Variants in PCNX1 observed in about 807,000 individuals in gnomAD.
PCNX1 encodes the protein pecanex 1, also known as pecanex-like protein 1.
PCNX1 carries 78 observed loss-of-function variants against 242.2 expected under a neutral mutation model. The ratio of observed to expected loss-of-function variants is 0.32; its 90% CI spans 0.27 to 0.39. The LOEUF is 0.39. Among genes scored for constraint, PCNX1 ranks in the 10% least tolerant of loss-of-function variants. The pLI, the probability that PCNX1 is intolerant of heterozygous loss-of-function variation, is 1.00. For missense variants in PCNX1, 2,581 were observed against 2,856.5 expected (o/e 0.90, Z 2.20); for synonymous variants, 1,024 against 1,032.9 (o/e 0.99, Z 0.17).
intron 33 of PCNX1, among the ~76,000 whole-genome samples, chr14:71,108,150 C>T (rs574171144): frequency 2.2e-4 from 34 of 152,254 alleles, no homozygotes; most frequent in African/African-American, 6.3e-4. Flanking sequence ...TCTGTGAGTT[C>T]GGGGTTTTCA....
At chr14:70,918,506 T>TA (rs1478554094) in intron 1 of PCNX1, among the ~76,000 whole-genome samples, 2 of 152,168 alleles carry the variant, frequency 1.3e-5, no homozygotes, top group African/African-American at 4.8e-5. Context: ...CTGTAACAGA[T>TA]ATAGTAAAGA....
chr14:71,096,507 GTA>G (rs1185224601), intron 30 of PCNX1, among the ~76,000 whole-genome samples: 1 of 152,122 alleles, frequency 6.6e-6, no homozygotes, highest in Non-Finnish European at 1.5e-5. Flanking sequence ...TACTATGCCT[GTA>G]TCTGGACTTT....
intron 23 of PCNX1, among the ~76,000 whole-genome samples, chr14:71,051,655 T>TA (rs2061039211): frequency 6.6e-6 from 1 of 152,174 alleles, no homozygotes; most frequent in Non-Finnish European, 1.5e-5. Context: ...TATTAGCAAA[T>TA]ACTGATTTGG....
At chr14:70,920,375 TGG>T (rs2056332120) in intron 1 of PCNX1, among the ~76,000 whole-genome samples, 2 of 152,236 alleles carry the variant, frequency 1.3e-5, no homozygotes, top group African/African-American at 4.8e-5. Context: ...ATCTTTACTA[TGG>T]CTTTCTTCTT....
intron 30 of PCNX1, chr14:71,093,636 A>G (rs2062195373): frequency 6.6e-6 from 1 of 152,274 alleles, no homozygotes; most frequent in African/African-American, 2.4e-5. Flanking sequence ...AAACATTCTT[A>G]AAGAAATGAA....
chr14:71,068,380 ATG>A (rs2061500125), intron 26 of PCNX1, among the ~76,000 whole-genome samples: 2 of 150,468 alleles, frequency 1.3e-5, no homozygotes, highest in African/African-American at 2.4e-5. Context: ...GTATACATAT[ATG>A]TGTGTATATT....
chr14:71,039,197 A>G (rs1374610158), intron 19 of PCNX1, among the ~76,000 whole-genome samples: 1 of 152,082 alleles, frequency 6.6e-6, no homozygotes, highest in East Asian at 1.9e-4. Context: ...CAATGTGCAC[A>G]CGTACCCTAA....
chr14:70,963,553 C>T (rs567145902), intron 3 of PCNX1, among the ~76,000 whole-genome samples: 1 of 152,230 alleles, frequency 6.6e-6, no homozygotes, highest in East Asian at 1.9e-4. Context: ...TTATGAAAAA[C>T]ACTATATGAA....
intron 4 of PCNX1, 36 bp from the exon 5 acceptor site, chr14:70,968,985 A>T: frequency 8.4e-7 from 1 of 1,188,858 alleles, no homozygotes; most frequent in Non-Finnish European, 1.3e-6. Flanking sequence ...CTTACTGTTA[A>T]TATAAGGTCC....
chr14:71,104,875 G>A (rs1018810030), intron 32 of PCNX1, among the ~76,000 whole-genome samples: 5 of 152,048 alleles, frequency 3.3e-5, no homozygotes, highest in Admixed American at 2.6e-4. Flanking sequence ...GCAGTGAGCC[G>A]AGATTGTGCC....
intron 2 of PCNX1, among the ~76,000 whole-genome samples, chr14:70,959,153 G>C (rs1349344928): frequency 2.0e-5 from 3 of 150,970 alleles, no homozygotes; most frequent in Non-Finnish European, 4.4e-5. Context: ...GGAACCTTAT[G>C]TAGCATTTTC....
chr14:70,979,113 T>A (rs574440493), intron 6 of PCNX1, among the ~76,000 whole-genome samples: 1 of 152,194 alleles, frequency 6.6e-6, no homozygotes, highest in African/African-American at 2.4e-5. Context: ...TAGATCTGAT[T>A]ATGTACATTG....
chr14:70,911,663 T>C (rs2055916481), intron 1 of PCNX1, among the ~76,000 whole-genome samples: 1 of 152,178 alleles, frequency 6.6e-6, no homozygotes, highest in Admixed American at 6.5e-5. Context: ...GTGTGTCCTG[T>C]GGGCAAGACT....
intron 12 of PCNX1, among the ~76,000 whole-genome samples, chr14:71,021,752 TCTC>T (rs16694): frequency 0.37 from 55,403 of 151,774 alleles, 10,330 homozygotes; most frequent in East Asian, 0.61. Flanking sequence ...ATTTTGATAT[TCTC>T]CTCATTTTTG....
At position 70,954,586 on chromosome 14, in the gene PCNX1, T is replaced by C. The variant is rs564145208; in HGVS notation, c.362+7463T>C. Among the ~76,000 whole-genome samples, 16 of 152,182 alleles carry C rather than the reference T, an allele frequency of 1.1e-4. 1 individual carries two copies. Among genetic ancestry groups the C allele is most frequent in the Non-Finnish European group, 1.8e-4 (12 of 68,030 alleles). Reference sequence around the variant, plus strand: ...TTTCATTTTCTCCATTAAAAGGAAATTTATGATTTTATAGTATTTATGCTA... The same window carrying C: ...TTTCATTTTCTCCATTAAAAGGAAACTTATGATTTTATAGTATTTATGCTA... On this transcript the variant is annotated intron_variant, in intron 2 of 35. Coordinates refer to ENST00000304743, the MANE Select transcript of PCNX1 (RefSeq NM_014982.3).
At chr14:70,908,536 G>T (rs1001291140) in intron 1 of PCNX1, among the ~76,000 whole-genome samples, 7 of 152,224 alleles carry the variant, frequency 4.6e-5, no homozygotes, top group African/African-American at 1.7e-4. Context: ...GTGCGGCTCT[G>T]CTCCGAGTGT....
intron 1 of PCNX1, among the ~76,000 whole-genome samples, chr14:70,926,485 A>G (rs558498113): frequency 5.9e-5 from 9 of 152,328 alleles, no homozygotes; most frequent in South Asian, 2.1e-4. Context: ...CTTGCTGCCA[A>G]TTGGCTGCAT....
Position 70,971,115 on chromosome 14 carries a change from G to GTTTTTTTTTTTTTT in PCNX1, c.604+2032_604+2045dup, listed in dbSNP as rs1046870052. On this transcript the variant is annotated intron_variant, in intron 5 of 35. Transcript: ENST00000304743. The stretch of plus-strand genomic sequence containing the variant: ...AATCTATGCTATACTACTTTATATA[G>GTTTTTTTTTTTTTT]TTTTTTTTTTTTTTTTTTTTTTTTT... Among the ~76,000 whole-genome samples, 10 of 14,518 alleles carry GTTTTTTTTTTTTTT rather than the reference G, an allele frequency of 6.9e-4. 5 individuals are homozygous for GTTTTTTTTTTTTTT. Among genetic ancestry groups the GTTTTTTTTTTTTTT allele is most frequent in the Admixed American group, 2.1e-3 (2 of 964 alleles). 9.5% of individuals were successfully genotyped at this position (14,518 alleles called of 152,430 possible). A position where few individuals can be genotyped will look rare whatever the true frequency, so the allele number is the denominator to read the frequency against.
At chr14:70,978,705 A>G in intron 6 of PCNX1, 57 bp downstream of exon 6, 1 of 1,408,598 alleles carries the variant, frequency 7.1e-7, no homozygotes, top group East Asian at 2.3e-5. Flanking sequence ...CATACTATTA[A>G]TTAGAGTAGT....
Sources: gnomAD v4.1 joint callset for allele counts (sites outside exome capture counted in the v4.1 genomes callset) on GRCh38, gnomAD v4.1.1 for gene constraint, MANE v1.5 for transcripts, NCBI Gene and HGNC (gene_info 2026-07-23, HGNC 2026-07-21) for gene names.